Variants in AHRR observed in about 807,000 individuals in gnomAD.
AHRR encodes the protein ahR repressor.
Under a neutral mutation model 44.0 loss-of-function variants are expected in AHRR, and 28 were observed. The ratio of observed to expected loss-of-function variants is 0.64; its 90% CI spans 0.47 to 0.87. AHRR has a LOEUF of 0.87. AHRR is among the 40% of genes least tolerant of loss of function. AHRR has a pLI of 0.00. For synonymous variants in AHRR, 434 were observed against 407.0 expected (o/e 1.07, Z -0.80); for missense variants, 990 against 953.9 (o/e 1.04, Z -0.50).
chr5:404,150 G>A lies in AHRR; in HGVS notation c.352-9194G>A, dbSNP rs541751012. On this transcript the variant is annotated intron_variant, in intron 4 of 10. Coordinates refer to ENST00000684583, the MANE Select transcript of AHRR (RefSeq NM_001377236.1). This position sits in a 1 kb window ranked among gnomAD's most constrained non-coding sequence, Gnocchi z 4.1. ...TTCTCCGTCTCTCTCAGCCTCAGCCGTTCCTGGTGGGTCTGCATTCCTGTC... is the reference window on the plus strand; with the variant it reads ...TTCTCCGTCTCTCTCAGCCTCAGCCATTCCTGGTGGGTCTGCATTCCTGTC... 91 of 535,048 alleles carry A rather than the reference G, an allele frequency of 1.7e-4. 1 individual carries two copies. The highest frequency in any genetic ancestry group is 1.1e-3 in the South Asian group (64 of 59,766). The allele number at this position is 535,048 out of a possible 1,614,324, so 33.1% of individuals were successfully genotyped here.
intron 3 of AHRR, among the ~76,000 whole-genome samples, chr5:360,681 G>A (rs1280055414): frequency 6.6e-6 from 1 of 152,206 alleles, no homozygotes; most frequent in Non-Finnish European, 1.5e-5. Flanking sequence ...TTCTGGTGAG[G>A]AATGTGCCCG....
intron 1 of AHRR, among the ~76,000 whole-genome samples, chr5:340,550 C>T (rs745480098): frequency 1.3e-4 from 20 of 149,344 alleles, no homozygotes; most frequent in Non-Finnish European, 2.7e-4. Context: ...AGGGCTCCAG[C>T]CTTATTACCT....
rs190431982 is a variant in AHRR at position 437,213 on chromosome 5, G to C, written c.*2379G>C. ...AAAATAATTAAAAATCAGATCTGCT[G>C]TATCCCTGAAAAAGTCTCAATCAAC... On this transcript the variant is annotated 3_prime_UTR_variant, in exon 11 of 11. Transcript: ENST00000684583. 2 of 137,764 alleles carry C rather than the reference G, an allele frequency of 1.5e-5. No individual in the cohort carries two copies. The highest frequency in any genetic ancestry group is 4.9e-5 in the African/African-American group (2 of 41,106). 8.5% of individuals were successfully genotyped at this position (137,764 alleles called of 1,614,324 possible).
In AHRR at chr5:434,765, G is replaced by C. The variant is rs760407730; in HGVS notation, c.2025G>C (p.Gly675=). The change falls in exon 11 of 11, where the codon GGG becomes GGC. Residue 675 remains glycine (G), a synonymous_variant. Coordinates refer to ENST00000684583, the MANE Select transcript of AHRR (RefSeq NM_001377236.1). ...CTCACAGCCAGGGAATGGTGCCCGG[G>C]ATGTTGCCCAAAAGTGCCTTGGCCA... ...WATHSQGMVP[G]MLPKSALATL... 1 of 1,562,032 alleles carries C rather than the reference G, an allele frequency of 6.4e-7. No individual in the cohort carries two copies. The highest frequency in any genetic ancestry group is 8.7e-7 in the Non-Finnish European group (1 of 1,152,868).
intron 4 of AHRR, among the ~76,000 whole-genome samples, 154 bp downstream of exon 4, chr5:376,870 C>T (rs141445768): frequency 6.6e-6 from 1 of 152,246 alleles, no homozygotes; most frequent in Non-Finnish European, 1.5e-5. Flanking sequence ...AGCGTAGGCT[C>T]CAAAATCTGT....
chr5:348,682 T>C (rs1010860657), intron 2 of AHRR, among the ~76,000 whole-genome samples: 13 of 152,340 alleles, frequency 8.5e-5, no homozygotes, highest in African/African-American at 2.6e-4. Context: ...CACCAGCCAT[T>C]TGTTCTCTTT....
intron 3 of AHRR, chr5:367,999 A>C: frequency 1.4e-6 from 1 of 694,502 alleles, no homozygotes; most frequent in South Asian, 1.5e-5. Context: ...TGTGAGGACA[A>C]TGAAGGCAAT....
intron 3 of AHRR, among the ~76,000 whole-genome samples, chr5:368,818 C>T (rs1333246551): frequency 6.6e-6 from 1 of 152,220 alleles, no homozygotes; most frequent in African/African-American, 2.4e-5. Context: ...CCCCAGTCTT[C>T]GCTGGCTCAG....
At chr5:426,906 T>C (rs994267445) in intron 7 of AHRR, among the ~76,000 whole-genome samples, 2 of 148,652 alleles carry the variant, frequency 1.3e-5, no homozygotes, top group South Asian at 2.1e-4. Flanking sequence ...GGTAGATGAA[T>C]GTATGGGAAG....
rs142901775 is a variant in AHRR, at chr5:427,116, AAGAT to A, written c.709-686_709-683del. 5.3e-3 allele frequency among the ~76,000 whole-genome samples: 807 copies of A among 152,234 alleles called. 10 individuals carry two copies. Among genetic ancestry groups the A allele is most frequent in the African/African-American group, 0.018 (762 of 41,530 alleles). On this transcript the variant is annotated intron_variant, in intron 7 of 10. Transcript: ENST00000684583. ...ATTGGTGGATGGATGGATGGATAGA[AAGAT>A]AGATGGATGAAATAAGGATAGAGGG...
intron 1 of AHRR, among the ~76,000 whole-genome samples, chr5:334,288 C>A (rs2672720): frequency 0.66 from 100,957 of 151,906 alleles, 34,226 homozygotes; most frequent in African/African-American, 0.73. Flanking sequence ...TTCATATATT[C>A]CTTCATTAAA....
chr5:336,773 C>T lies in AHRR; in HGVS notation c.-10-7120C>T, dbSNP rs145293061. On this transcript the variant is annotated intron_variant, in intron 1 of 10. Transcript: ENST00000684583. ...TAAAGATGAATTCTTATGTATTCTT[C>T]GGAGTGTTATATTTTTAGCTCTTAC... Among the ~76,000 whole-genome samples, 582 of 152,230 alleles carry T rather than the reference C, an allele frequency of 3.8e-3. 5 individuals carry two copies. Among genetic ancestry groups the T allele is most frequent in the Admixed American group, 6.3e-3 (96 of 15,296 alleles).
At chr5:421,837 G>C (rs2672778) in intron 5 of AHRR, among the ~76,000 whole-genome samples, 62,815 of 152,018 alleles carry the variant, frequency 0.41, 13,230 homozygotes, top group Middle Eastern at 0.57. Context: ...CCTTTAGGGT[G>C]AGTTTGTTAG....
rs1411344795 is a variant in AHRR, at chr5:337,526, G to GC, written c.-10-6366dup. Among the ~76,000 whole-genome samples the GC allele has an allele frequency of 6.6e-6, 1 of 152,168 alleles. No individual in the cohort carries two copies. Among genetic ancestry groups the GC allele is most frequent in the Non-Finnish European group, 1.5e-5 (1 of 68,036 alleles). ...CCTGAGTAGCTGAGACTACAGACAT[G>GC]CGCCACCATGCTTGGCTAATTTTTA... On this transcript the variant is annotated intron_variant, in intron 1 of 10. Transcript: ENST00000684583. The surrounding 1 kb of genome is among the most constrained non-coding windows in gnomAD (Gnocchi z 4.1).
rs1429091528 is a variant in AHRR at position 432,609 on chromosome 5, T to C, written c.970+85T>C. The C allele has an allele frequency of 9.8e-6, 15 of 1,536,208 alleles. No individual in the cohort carries two copies. In the Admixed American group the frequency reaches 2.3e-4, roughly 24 times the overall value. On this transcript the variant is annotated intron_variant, in intron 9 of 10. Coordinates refer to ENST00000684583, the MANE Select transcript of AHRR (RefSeq NM_001377236.1). ...GGAGAGCTTCCCCGCCCAGTGGAGA[T>C]GTTGGCGTATTCCATGGAAAAGCCA...
At chr5:399,434 G>A (rs1734915111) in intron 4 of AHRR, among the ~76,000 whole-genome samples, 2 of 152,228 alleles carry the variant, frequency 1.3e-5, no homozygotes, top group African/African-American at 2.4e-5. Context: ...CATAAGTTTT[G>A]TTCTCTAGAA....
intron 9 of AHRR, 98 bp downstream of exon 9, chr5:432,622 C>G: frequency 6.6e-7 from 1 of 1,518,138 alleles, no homozygotes; most frequent in Non-Finnish European, 9.1e-7. Context: ...TGGCGTATTC[C>G]ATGGAAAAGC....
At chr5:376,014 C>T (rs143861295) in intron 3 of AHRR, among the ~76,000 whole-genome samples, 3 of 109,826 alleles carry the variant, frequency 2.7e-5, no homozygotes, top group East Asian at 2.0e-4. Flanking sequence ...TCCTGCCCTG[C>T]GGTGTTCTGT....
At chr5:392,546 TG>T (rs2126476547) in intron 4 of AHRR, among the ~76,000 whole-genome samples, 1 of 152,184 alleles carries the variant, frequency 6.6e-6, no homozygotes, top group African/African-American at 2.4e-5. Flanking sequence ...CTAAAGACGG[TG>T]TCTGAAGCTG....
Sources: gnomAD v4.1 joint callset for allele counts (sites outside exome capture counted in the v4.1 genomes callset) on GRCh38, gnomAD v4.1.1 for gene constraint, Gnocchi (gnomAD v3.1) non-coding constraint, MANE v1.5 for transcripts, NCBI Gene and HGNC (gene_info 2026-07-23, HGNC 2026-07-21) for gene names.